GCN1: variants seen among roughly 807,000 people sequenced by gnomAD.
GCN1 encodes the protein GCN1 activator of EIF2AK4, also known as stalled ribosome sensor GCN1.
In GCN1, 90 loss-of-function variants were observed where a neutral mutation model predicts 288.4. That is an observed-to-expected ratio of 0.31 (90% CI 0.26 to 0.37). The LOEUF is 0.37. Among genes scored for constraint, GCN1 ranks in the 10% least tolerant of loss-of-function variants. The pLI is 1.00. For missense variants in GCN1, 2,586 were observed against 3,419.9 expected (o/e 0.76, Z 6.08); for synonymous variants, 1,386 against 1,420.2 (o/e 0.98, Z 0.54).
At chr12:120,128,119 C>A in intron 57 of GCN1, 145 bp from the exon 58 acceptor site, 1 of 742,254 alleles carries the variant, frequency 1.3e-6, no homozygotes, top group South Asian at 1.8e-5. Flanking sequence ...TCAGATGGAT[C>A]CAGGGAAAGC....
Position 120,138,003 on chromosome 12 carries a change from A to C in GCN1, c.6291T>G (p.Leu2097=), listed in dbSNP as rs769422155. The C allele has an allele frequency of 3.1e-6, 5 of 1,613,968 alleles. No individual in the cohort carries two copies. The African/African-American group carries it at 6.7e-5, about 22-fold the overall frequency. The change falls in exon 48 of 58, where the codon CTT becomes CTG. Residue 2097 remains leucine, a synonymous_variant. Coordinates refer to ENST00000300648, the MANE Select transcript of GCN1 (RefSeq NM_006836.2). ...TGAGGGCATCACCAGCCACTGACGA[A>C]AGGAAAGCCAGCACCCGGGTGTTGA... ...PPVNTRVLAF[L]SSVAGDALTR...
intron 5 of GCN1, among the ~76,000 whole-genome samples, chr12:120,183,312 C>T (rs1027058360): frequency 2.0e-5 from 3 of 152,196 alleles, no homozygotes; most frequent in African/African-American, 7.2e-5. Flanking sequence ...TCAGGGGCCT[C>T]ATTTCTGTTG....
chr12:120,194,683 C>T lies in GCN1; in HGVS notation c.15G>A (p.Thr5=). 2 of 1,513,330 alleles carry T rather than the reference C, an allele frequency of 1.3e-6. No homozygotes were observed. Among genetic ancestry groups the T allele is most frequent in the Non-Finnish European group, 1.8e-6 (2 of 1,137,500 alleles). 93.7% of individuals were successfully genotyped at this position (1,513,330 alleles called of 1,614,324 possible). The part of the protein sequence containing the change: MAAD[T]QVSETLKRFA... ...GCCCCGCAGCCGCCCGCCTCACCTG[C>T]GTGTCCGCCGCCATCCTGCCGGGGC... Residue 5 remains threonine (T), a synonymous_variant, in exon 1 of 58, where the codon ACG becomes ACA. Coordinates refer to ENST00000300648, the MANE Select transcript of GCN1 (RefSeq NM_006836.2).
chr12:120,173,294 C>T (rs939145729), intron 14 of GCN1, among the ~76,000 whole-genome samples: 8 of 152,068 alleles, frequency 5.3e-5, no homozygotes, highest in African/African-American at 4.8e-5. Context: ...GTGATCTGCC[C>T]GCCTCGGCCT....
At chr12:120,132,283 A>C (rs1876852596) in intron 53 of GCN1, among the ~76,000 whole-genome samples, 1 of 148,440 alleles carries the variant, frequency 6.7e-6, no homozygotes, top group African/African-American at 2.4e-5. Flanking sequence ...TATGGTAATC[A>C]TCCTTGTAAT....
intron 1 of GCN1, among the ~76,000 whole-genome samples, chr12:120,192,101 A>G (rs747447945): frequency 5.9e-5 from 9 of 152,078 alleles, no homozygotes; most frequent in Non-Finnish European, 1.2e-4. Flanking sequence ...GTTAATAATT[A>G]CCCTTTCCCA....
Position 120,140,753 on chromosome 12 carries a change from G to A in GCN1, c.5994+106C>T, listed in dbSNP as rs565714451. On this transcript the variant is annotated intron_variant, in intron 45 of 57. Transcript: ENST00000300648. ...GAGTGAGACTGGCTCATCCCTGAGG[G>A]CAGCACAAACCCCCTAGAGGTGAAC... The A allele has an allele frequency of 2.8e-6, 3 of 1,065,842 alleles. No individual in the cohort carries two copies. In the Admixed American group the frequency reaches 6.6e-5, roughly 23 times the overall value. 66.0% of individuals were successfully genotyped at this position (1,065,842 alleles called of 1,614,324 possible).
In GCN1 at chr12:120,172,593, T is replaced by G. The variant is rs1760543253; in HGVS notation, c.1366+1060A>C. ...GGCTTGATCTCGGCTCACTGCAACC[T>G]CTGCCTCCTGGGCTCAAGCGATTCT... On this transcript the variant is annotated intron_variant, in intron 14 of 57. Transcript: ENST00000300648. 2.0e-5 allele frequency among the ~76,000 whole-genome samples: 3 copies of G among 152,212 alleles called. No individual in the cohort carries two copies. The South Asian group carries it at 6.2e-4, about 32-fold the overall frequency.
intron 22 of GCN1, among the ~76,000 whole-genome samples, chr12:120,160,627 C>T (rs1023079383): frequency 6.6e-6 from 1 of 152,188 alleles, no homozygotes; most frequent in African/African-American, 2.4e-5. Context: ...TAAGCTCTCC[C>T]ACAGGATAAG....
Position 120,156,817 on chromosome 12 carries a change from G to A in GCN1, c.3168+95C>T. ...TTTCTACCAAAGTCCAAAAGTAAGG[G>A]CTGAAAGGAAACTAGGACTCCACCC... On this transcript the variant is annotated intron_variant, in intron 27 of 57. Transcript: ENST00000300648. The surrounding 1 kb of genome is among the most constrained non-coding windows in gnomAD (Gnocchi z 5.8). 2 of 1,010,870 alleles carry A rather than the reference G, an allele frequency of 2.0e-6. No homozygotes were observed. The highest frequency in any genetic ancestry group is 1.6e-6 in the Non-Finnish European group (1 of 636,042). The allele number at this position is 1,010,870 out of a possible 1,614,324, so 62.6% of individuals were successfully genotyped here.
chr12:120,179,397 A>ATTTTTTT (rs1224651602), intron 5 of GCN1, among the ~76,000 whole-genome samples: 5 of 127,182 alleles, frequency 3.9e-5, no homozygotes, highest in Non-Finnish European at 8.3e-5. Context: ...TGCCCAGCTA[A>ATTTTTTT]TTTTTTTTTT....
rs1877821008 is a variant in GCN1 at position 120,158,413 on chromosome 12, C to A, written c.2905+47G>T. ...GCTGTGCCTTGAGCAGCATTCCTGG[C>A]ACCAGCTCACACCGCCTGGTGCCCC... is the stretch of plus-strand genomic sequence containing the variant. On this transcript the variant is annotated intron_variant, in intron 25 of 57. Coordinates refer to ENST00000300648, the MANE Select transcript of GCN1 (RefSeq NM_006836.2). This position sits in a 1 kb window ranked among gnomAD's most constrained non-coding sequence, Gnocchi z 4.3. 1 of 1,479,618 alleles carries A rather than the reference C, an allele frequency of 6.8e-7. No individual in the cohort carries two copies. Among genetic ancestry groups the A allele is most frequent in the Non-Finnish European group, 9.1e-7 (1 of 1,099,810 alleles). 91.7% of individuals were successfully genotyped at this position (1,479,618 alleles called of 1,614,324 possible).
At chr12:120,154,776 G>C (rs1324947904) in intron 31 of GCN1, among the ~76,000 whole-genome samples, 194 bp downstream of exon 31, 1 of 152,186 alleles carries the variant, frequency 6.6e-6, no homozygotes, top group Non-Finnish European at 1.5e-5. Context: ...GCAGGTCAGA[G>C]GCTCTTCTGA....
chr12:120,129,636 G>C, intron 56 of GCN1, 142 bp from the exon 57 acceptor site: 1 of 663,732 alleles, frequency 1.5e-6, no homozygotes, highest in Non-Finnish European at 2.7e-6. Context: ...AGCATGACTC[G>C]ACCCTGGTTT....
At chr12:120,152,673 T>A (rs866997339) in intron 33 of GCN1, among the ~76,000 whole-genome samples, 22 of 138,858 alleles carry the variant, frequency 1.6e-4, no homozygotes, top group African/African-American at 5.6e-4. Flanking sequence ...TATATATATA[T>A]AAATATATAT....
At chr12:120,184,437 G>C (rs1878758235) in intron 3 of GCN1, among the ~76,000 whole-genome samples, 194 bp from the exon 4 acceptor site, 1 of 152,166 alleles carries the variant, frequency 6.6e-6, no homozygotes, top group African/African-American at 2.4e-5. Context: ...TCTCATAAGG[G>C]CAAATAAGCC....
intron 51 of GCN1, among the ~76,000 whole-genome samples, chr12:120,136,027 CAAAACAAAACAA>C (rs1876992321): frequency 6.6e-6 from 1 of 151,648 alleles, no homozygotes; most frequent in Admixed American, 6.6e-5. Context: ...AAAAACAAAA[CAAAACAAAACAA>C]AAAACAAAAA....
chr12:120,146,262 T>C (rs566690224), intron 38 of GCN1, among the ~76,000 whole-genome samples: 2 of 134,672 alleles, frequency 1.5e-5, no homozygotes, highest in Admixed American at 1.5e-4. Context: ...CAAGACTCCA[T>C]CTCAAAAAAA....
chr12:120,132,019 T>A lies in GCN1; in HGVS notation c.7321A>T (p.Asn2441Tyr), dbSNP rs531690540. Residue 2441 changes from asparagine (N) to tyrosine (Y), a missense_variant, in exon 54 of 58, where the codon AAC becomes TAC. Around this residue, in one of 8 missense-constraint regions of GCN1, gnomAD observed 355 missense variants for 431.1 expected, o/e 0.82. Transcript: ENST00000300648. Reference protein sequence around the residue: ...LLSMLGHDEDNTRISSAGCLG... With the variant: ...LLSMLGHDEDYTRISSAGCLG... Reference sequence around the variant, plus strand: ...CACCCGGCTGAGGAGATGCGAGTGTTGTCCTGACAGGGAAGAGAAGGGAGT... The same window carrying A: ...CACCCGGCTGAGGAGATGCGAGTGTAGTCCTGACAGGGAAGAGAAGGGAGT... 6.3e-7 allele frequency: 1 copy of A among 1,585,088 alleles called. No homozygotes were observed. Among genetic ancestry groups the A allele is most frequent in the East Asian group, 2.3e-5 (1 of 44,122 alleles).
Sources: gnomAD v4.1 joint callset for allele counts (sites outside exome capture counted in the v4.1 genomes callset) on GRCh38, gnomAD v4.1.1 for gene constraint, gnomAD v4.1.1 regional missense constraint, Gnocchi (gnomAD v3.1) non-coding constraint, MANE v1.5 for transcripts, NCBI Gene and HGNC (gene_info 2026-07-23, HGNC 2026-07-21) for gene names.